The following PLCXD3 variants were observed in gnomAD, a reference collection of about 807,000 sequenced individuals.
PLCXD3 encodes the protein PI-PLC X domain-containing protein 3.
In PLCXD3, 19 loss-of-function variants were observed where a neutral mutation model predicts 25.5. The observed-to-expected ratio is 0.75, with a 90% CI of 0.52 to 1.09. PLCXD3 has a LOEUF of 1.09. Among genes scored for constraint, PLCXD3 ranks in the 50% least tolerant of loss-of-function variants. PLCXD3 has a pLI of 0.00. For missense variants in PLCXD3, 411 were observed against 388.1 expected (o/e 1.06, Z -0.50); for synonymous variants, 174 against 137.6 (o/e 1.26, Z -1.85).
In PLCXD3 at chr5:41,313,694, A is replaced by C; in HGVS notation, c.889T>G (p.Phe297Val). Residue 297 changes from phenylalanine to valine, a missense_variant, in exon 3 of 3, where the codon TTT (phenylalanine) becomes GTT (valine). By Grantham distance (50) the Phe-to-Val change is conservative. Coordinates refer to ENST00000377801, the MANE Select transcript of PLCXD3 (RefSeq NM_001005473.3). ...ESGINIVTAD[F>V]VELGDFISTV... ...CTGATAAAGTCACCAAGTTCTACAAAATCGGCAGTGACAATATTGATGCCA... is the reference window on the plus strand; with the variant it reads ...CTGATAAAGTCACCAAGTTCTACAACATCGGCAGTGACAATATTGATGCCA... The C allele has an allele frequency of 1.2e-6, 2 of 1,613,884 alleles. No homozygotes were observed. Among genetic ancestry groups the C allele is most frequent in the Non-Finnish European group, 1.7e-6 (2 of 1,179,838 alleles).
intron 1 of PLCXD3, among the ~76,000 whole-genome samples, chr5:41,459,494 A>T (rs528371228): frequency 6.6e-6 from 1 of 151,920 alleles, no homozygotes; most frequent in Non-Finnish European, 1.5e-5. Flanking sequence ...GCTAATTTTT[A>T]AAGATTTGTA....
At chr5:41,478,980 C>T (rs987339527) in intron 1 of PLCXD3, among the ~76,000 whole-genome samples, 1 of 152,034 alleles carries the variant, frequency 6.6e-6, no homozygotes, top group Non-Finnish European at 1.5e-5. Context: ...GGAAGTCTGC[C>T]CCCATGATTC....
chr5:41,448,961 C>T (rs1747567149), intron 1 of PLCXD3, among the ~76,000 whole-genome samples: 1 of 152,158 alleles, frequency 6.6e-6, no homozygotes, highest in African/African-American at 2.4e-5. Flanking sequence ...GCTAAACATG[C>T]ACACCTTTCC....
chr5:41,482,342 GA>G (rs1375150424), intron 1 of PLCXD3, among the ~76,000 whole-genome samples: 1 of 152,160 alleles, frequency 6.6e-6, no homozygotes, highest in African/African-American at 2.4e-5. Context: ...TCCATGAAGA[GA>G]AATTGTCTTT....
chr5:41,410,694 T>C (rs1015791657), intron 1 of PLCXD3, among the ~76,000 whole-genome samples: 49 of 152,056 alleles, frequency 3.2e-4, no homozygotes, highest in African/African-American at 1.1e-3. Flanking sequence ...AGTTTTATCC[T>C]TGTGACAAGG....
At chr5:41,329,180 G>A (rs978463834) in intron 2 of PLCXD3, among the ~76,000 whole-genome samples, 9 of 152,210 alleles carry the variant, frequency 5.9e-5, no homozygotes, top group Middle Eastern at 6.8e-3. Context: ...TCCCTGCCCC[G>A]TCACTTGGTG....
chr5:41,332,366 G>A (rs1044405325), intron 2 of PLCXD3, among the ~76,000 whole-genome samples: 2 of 152,028 alleles, frequency 1.3e-5, no homozygotes, highest in African/African-American at 4.8e-5. Context: ...CTGGCCATCA[G>A]AGAAATGCAA....
rs1245654291 is a variant in PLCXD3 at position 41,403,837 on chromosome 5, C to T, written c.104-21303G>A. Among the ~76,000 whole-genome samples, 14 of 150,130 alleles carry T rather than the reference C, an allele frequency of 9.3e-5. No individual in the cohort carries two copies. In the Admixed American group the frequency reaches 9.3e-4, roughly 10 times the overall value. On this transcript the variant is annotated intron_variant, in intron 1 of 2. Transcript: ENST00000377801. ...CATTTGGGTTGGTTCCAAGTCTTTG[C>T]TATTGTGAATAGTGCCGCAATAAAC... is the stretch of plus-strand genomic sequence containing the variant.
chr5:41,344,706 T>G (rs958158794), intron 2 of PLCXD3, among the ~76,000 whole-genome samples: 1 of 147,234 alleles, frequency 6.8e-6, no homozygotes, highest in Non-Finnish European at 1.5e-5. Context: ...TGTTGGAAAA[T>G]TTTTATTTCA....
intron 2 of PLCXD3, among the ~76,000 whole-genome samples, chr5:41,357,993 AAAG>A (rs1437582533): frequency 5.3e-5 from 8 of 152,218 alleles, no homozygotes; most frequent in African/African-American, 1.7e-4. Context: ...TAAGCTTCTC[AAAG>A]AAGATTATTT....
intron 2 of PLCXD3, among the ~76,000 whole-genome samples, chr5:41,356,714 A>G (rs1053838048): frequency 1.3e-5 from 2 of 152,172 alleles, no homozygotes; most frequent in African/African-American, 4.8e-5. Context: ...AACACATGCT[A>G]TGAGCTCTTA....
At chr5:41,389,513 T>C (rs1233916155) in intron 1 of PLCXD3, among the ~76,000 whole-genome samples, 1 of 152,082 alleles carries the variant, frequency 6.6e-6, no homozygotes, top group Non-Finnish European at 1.5e-5. Context: ...TATCCCAACA[T>C]GAGAAGAGCC....
At chr5:41,400,039 G>T (rs907281991) in intron 1 of PLCXD3, among the ~76,000 whole-genome samples, 3 of 152,106 alleles carry the variant, frequency 2.0e-5, no homozygotes, top group African/African-American at 7.2e-5. Flanking sequence ...GAGCTGAATA[G>T]ACACTTCTCA....
intron 1 of PLCXD3, among the ~76,000 whole-genome samples, chr5:41,505,225 G>T (rs915208613): frequency 1.3e-5 from 2 of 151,494 alleles, no homozygotes; most frequent in African/African-American, 2.4e-5. Context: ...GAGTGTGTGT[G>T]CATGTGTGTG....
chr5:41,435,997 A>G (rs1451019445), intron 1 of PLCXD3, among the ~76,000 whole-genome samples: 4 of 152,106 alleles, frequency 2.6e-5, no homozygotes, highest in African/African-American at 7.2e-5. Context: ...ACCCTAACAC[A>G]TTGGTTGGGG....
intron 2 of PLCXD3, among the ~76,000 whole-genome samples, chr5:41,327,332 G>A (rs1025351886): frequency 1.3e-5 from 2 of 152,108 alleles, no homozygotes; most frequent in Non-Finnish European, 2.9e-5. Flanking sequence ...ACATGCTGTG[G>A]AGTCTAAGCT....
intron 1 of PLCXD3, among the ~76,000 whole-genome samples, chr5:41,474,713 G>A (rs142824339): frequency 6.6e-6 from 1 of 152,140 alleles, no homozygotes; most frequent in Non-Finnish European, 1.5e-5. Flanking sequence ...AAAACCCAAA[G>A]ATCTTGTGAC....
intron 1 of PLCXD3, chr5:41,475,513 T>G: frequency 2.1e-6 from 1 of 469,460 alleles, no homozygotes; most frequent in Non-Finnish European, 4.3e-6. Context: ...CCTACCTATC[T>G]CTATTTGTCT....
In PLCXD3 at chr5:41,308,874, A is replaced by T. The variant is rs1463488056; in HGVS notation, c.*4743T>A. 3.3e-5 allele frequency: 5 copies of T among 152,498 alleles called. No homozygotes were observed. The highest frequency in any genetic ancestry group is 1.3e-4 in the Admixed American group (2 of 15,256). The allele number at this position is 152,498 out of a possible 1,614,324, so 9.4% of individuals were successfully genotyped here. A position where few individuals can be genotyped will look rare whatever the true frequency, so the allele number is the denominator to read the frequency against. Reference sequence around the variant, plus strand: ...AAGTTAATATATGAATTGATGTTTGATTATTACGAAAAGCAATGGGGTACC... The same window carrying T: ...AAGTTAATATATGAATTGATGTTTGTTTATTACGAAAAGCAATGGGGTACC... On this transcript the variant is annotated 3_prime_UTR_variant, in exon 3 of 3. Transcript: ENST00000377801.
Sources: allele counts gnomAD v4.1 joint callset (sites outside exome capture counted in the v4.1 genomes callset), GRCh38; gene constraint gnomAD v4.1.1; transcripts MANE v1.5; gene names NCBI Gene and HGNC (gene_info 2026-07-23, HGNC 2026-07-21).